TRDN: variants seen among roughly 807,000 people sequenced by gnomAD.
The protein encoded by TRDN is triadin in skeletal muscle.
A neutral mutation model predicts 149.7 loss-of-function variants in TRDN; 161 were observed. The ratio of observed to expected loss-of-function variants is 1.08; its 90% CI spans 0.95 to 1.23. The LOEUF is 1.23. TRDN is among the 50% of genes most tolerant of loss of function. The pLI is 0.00. For missense variants in TRDN, 896 were observed against 823.5 expected (o/e 1.09, Z -1.08); for synonymous variants, 294 against 250.5 (o/e 1.17, Z -1.64).
intron 24 of TRDN, among the ~76,000 whole-genome samples, chr6:123,310,734 C>G (rs1189139778): frequency 6.6e-6 from 1 of 151,842 alleles, no homozygotes; most frequent in Non-Finnish European, 1.5e-5. Context: ...CAGAAAAGTT[C>G]TCAGACACCA....
intron 38 of TRDN, among the ~76,000 whole-genome samples, chr6:123,234,610 T>A (rs1775721224): frequency 6.6e-6 from 1 of 152,164 alleles, no homozygotes; most frequent in African/African-American, 2.4e-5. Flanking sequence ...GCAATAATCT[T>A]GGTTAAAATA....
At chr6:123,543,974 T>TCCTATTC (rs1780983292) in intron 4 of TRDN, among the ~76,000 whole-genome samples, 1 of 152,090 alleles carries the variant, frequency 6.6e-6, no homozygotes, top group African/African-American at 2.4e-5. Context: ...TCCTCCATAT[T>TCCTATTC]CTGTGATTTC....
chr6:123,389,860 A>G (rs1345121172), intron 13 of TRDN, among the ~76,000 whole-genome samples: 1 of 152,182 alleles, frequency 6.6e-6, no homozygotes, highest in Admixed American at 6.6e-5. Flanking sequence ...AAAAACAAAG[A>G]TAACACCGAA....
intron 10 of TRDN, among the ~76,000 whole-genome samples, chr6:123,453,911 G>A (rs1161608993): frequency 1.3e-5 from 2 of 151,842 alleles, no homozygotes; most frequent in African/African-American, 2.4e-5. Flanking sequence ...GTGTGTGTGT[G>A]TGTATGTATA....
At chr6:123,483,399 G>A (rs2114776355) in intron 9 of TRDN, among the ~76,000 whole-genome samples, 1 of 151,982 alleles carries the variant, frequency 6.6e-6, no homozygotes, top group Admixed American at 6.6e-5. Flanking sequence ...ACTGCGCCCG[G>A]CCAGTATTAT....
intron 38 of TRDN, among the ~76,000 whole-genome samples, chr6:123,235,421 G>A (rs957782925): frequency 2.0e-5 from 3 of 151,902 alleles, no homozygotes; most frequent in Non-Finnish European, 2.9e-5. Context: ...TGCTGGGAGT[G>A]GAATAAAAGT....
chr6:123,581,749 A>G (rs1322916710), intron 1 of TRDN, among the ~76,000 whole-genome samples: 3 of 152,228 alleles, frequency 2.0e-5, no homozygotes. Context: ...ACAACAGTGG[A>G]GGAAAGACTA....
chr6:123,635,977 G>T (rs1171291942), intron 1 of TRDN, among the ~76,000 whole-genome samples: 5 of 151,856 alleles, frequency 3.3e-5, no homozygotes, highest in Admixed American at 6.6e-5. Context: ...ATTATAGTAT[G>T]TAGCTTTCAG....
At chr6:123,364,874 G>GT (rs1367743045) in intron 20 of TRDN, among the ~76,000 whole-genome samples, 1 of 152,110 alleles carries the variant, frequency 6.6e-6, no homozygotes, top group East Asian at 1.9e-4. Flanking sequence ...TTAAGACTCA[G>GT]TTTTTTCTTG....
At chr6:123,227,227 T>G (rs1775410059) in intron 38 of TRDN, among the ~76,000 whole-genome samples, 1 of 151,770 alleles carries the variant, frequency 6.6e-6, no homozygotes, top group Admixed American at 6.6e-5. Context: ...AGCACAGAAA[T>G]AGTACATTCT....
chr6:123,556,678 C>T (rs1781681855), intron 2 of TRDN, among the ~76,000 whole-genome samples: 1 of 151,572 alleles, frequency 6.6e-6, no homozygotes, highest in Non-Finnish European at 1.5e-5. Context: ...TCTTTTCTCT[C>T]TCACTGTCTC....
At chr6:123,557,948 T>TA (rs1781769096) in intron 2 of TRDN, among the ~76,000 whole-genome samples, 1 of 152,090 alleles carries the variant, frequency 6.6e-6, no homozygotes, top group Non-Finnish European at 1.5e-5. Context: ...ACACCTGACC[T>TA]AAAATCTAAA....
intron 24 of TRDN, among the ~76,000 whole-genome samples, chr6:123,302,966 T>A (rs1448706093): frequency 6.6e-6 from 1 of 152,182 alleles, no homozygotes; most frequent in Non-Finnish European, 1.5e-5. Context: ...ATATTTTATA[T>A]GTTTATAGTT....
In TRDN at chr6:123,366,170, G is replaced by T. The variant is rs1297242196; in HGVS notation, c.1286C>A (p.Ala429Asp). Residue 429 changes from alanine (A) to aspartate (D), a missense_variant, in exon 20 of 41, where the codon GCC becomes GAC. Transcript: ENST00000334268. ...DKQVKAKTER[A>D]KEEIGAVSIK... ...TGAAACCGCACCAATCTCCTCTTTG[G>T]CTCGTTCAGTTTCTGCAAGTTCAGA... The T allele has an allele frequency of 9.9e-6, 16 of 1,612,470 alleles. No individual in the cohort carries two copies. Among genetic ancestry groups the T allele is most frequent in the Non-Finnish European group, 1.3e-5 (15 of 1,179,120 alleles).
intron 1 of TRDN, among the ~76,000 whole-genome samples, chr6:123,575,910 T>G (rs543524762): frequency 3.9e-5 from 6 of 152,112 alleles, no homozygotes; most frequent in Non-Finnish European, 7.4e-5. Flanking sequence ...TCTTTCAGGA[T>G]GCTCAAGGAA....
chr6:123,560,486 T>C (rs1781925831), intron 2 of TRDN, among the ~76,000 whole-genome samples: 1 of 151,502 alleles, frequency 6.6e-6, no homozygotes, highest in Non-Finnish European at 1.5e-5. Context: ...GAAGCTGGAG[T>C]CATTCACTGC....
chr6:123,247,755 T>G (rs528980258), intron 38 of TRDN, among the ~76,000 whole-genome samples: 187 of 152,248 alleles, frequency 1.2e-3, no homozygotes, highest in African/African-American at 4.3e-3. Flanking sequence ...CTACTTTAGA[T>G]TTCATATGGA....
Position 123,278,325 on chromosome 6 carries a change from C to A in TRDN, c.1560G>T (p.Glu520Asp). Residue 520 changes from glutamate (E) to aspartate (D), a missense_variant, in exon 26 of 41, where the codon GAG (glutamate) becomes GAT (aspartate). Physicochemically the swap from Glu to Asp is conservative, Grantham distance 45. Coordinates refer to ENST00000334268, the MANE Select transcript of TRDN (RefSeq NM_006073.4). ...TAAATAAAATATACATACCTGGCTT[C>A]TCTTCCTTTTTTCCTTGTAGTTCTA... ...KPPQLQGKKE[E>D]KPEPQIKKEA... is the part of the protein sequence containing the mutation. The A allele has an allele frequency of 7.7e-7, 1 of 1,294,962 alleles. No homozygotes were observed. Among genetic ancestry groups the A allele is most frequent in the African/African-American group, 1.5e-5 (1 of 65,786 alleles). The allele number at this position is 1,294,962 out of a possible 1,614,324, so 80.2% of individuals were successfully genotyped here. A position where few individuals can be genotyped will look rare whatever the true frequency, so the allele number is the denominator to read the frequency against.
chr6:123,403,358 T>C (rs1385013165), intron 12 of TRDN, among the ~76,000 whole-genome samples: 2 of 152,038 alleles, frequency 1.3e-5, no homozygotes, highest in East Asian at 1.9e-4. Flanking sequence ...AGTAACAAAA[T>C]AGAAGTGAGT....
Sources: allele counts gnomAD v4.1 joint callset (sites outside exome capture counted in the v4.1 genomes callset), GRCh38; gene constraint gnomAD v4.1.1; transcripts MANE v1.5; gene names NCBI Gene and HGNC (gene_info 2026-07-23, HGNC 2026-07-21).